ZFAND1: variants seen among roughly 807,000 people sequenced by gnomAD.
ZFAND1 encodes AN1-type zinc finger protein 1.
In ZFAND1, 40 loss-of-function variants were observed where a neutral mutation model predicts 38.5. The ratio of observed to expected loss-of-function variants is 1.04; its 90% CI spans 0.81 to 1.35. ZFAND1 has a LOEUF of 1.35. Among genes scored for constraint, ZFAND1 ranks in the 40% most tolerant of loss-of-function variants. The pLI is 0.00. For missense variants in ZFAND1, 346 were observed against 316.3 expected, an observed-to-expected ratio of 1.09 and a Z score of -0.71; for synonymous variants, 117 against 103.6, an observed-to-expected ratio of 1.13 and a Z score of -0.78.
At chr8:81,718,360 C>G (rs1003662766) in intron 1 of ZFAND1, 136 bp from the exon 2 acceptor site, 5 of 505,938 alleles carry the variant, frequency 9.9e-6, no homozygotes, top group African/African-American at 9.9e-5. Context: ...TGTAACCACT[C>G]TAACAAAATT....
chr8:81,721,191 G>C (rs757511620), intron 1 of ZFAND1, 36 bp downstream of exon 1: 3 of 1,545,042 alleles, frequency 1.9e-6, no homozygotes, highest in South Asian at 2.4e-5. Flanking sequence ...CTGGTCTCCC[G>C]CGGCCGGGGA....
At position 81,717,250 on chromosome 8, in the gene ZFAND1, TC is replaced by T; in HGVS notation, c.136del (p.Glu46ArgfsTer2). 1 of 1,544,510 alleles carries T rather than the reference TC, an allele frequency of 6.5e-7. No individual in the cohort carries two copies. Among genetic ancestry groups the T allele is most frequent in the East Asian group, 2.5e-5 (1 of 39,764 alleles). On this transcript the variant is annotated frameshift_variant and splice_region_variant, in exon 3 of 8. Transcript: ENST00000220669. LOFTEE classifies it high-confidence loss of function. ...HRSRESHGCP[E>X]VTVINERLKT... Reference sequence around the variant, plus strand: ...CAGATTGGAAAAATACTAACATACCTCAGGACAACCATGAGACTCCCTGCTT... The same window carrying T: ...CAGATTGGAAAAATACTAACATACCTAGGACAACCATGAGACTCCCTGCTT...
intron 6 of ZFAND1, among the ~76,000 whole-genome samples, chr8:81,710,361 A>G (rs1808106417): frequency 6.6e-6 from 1 of 152,254 alleles, no homozygotes; most frequent in Non-Finnish European, 1.5e-5. Flanking sequence ...ATCAAACAAA[A>G]TTTCAAAAAA....
intron 6 of ZFAND1, among the ~76,000 whole-genome samples, chr8:81,711,961 A>AT (rs1287809927): frequency 6.6e-6 from 1 of 152,180 alleles, no homozygotes; most frequent in African/African-American, 2.4e-5. Context: ...TACTCAACTA[A>AT]TTTTTAAGCA....
chr8:81,702,878 A>G lies in ZFAND1; in HGVS notation c.637-13T>C, dbSNP rs763711212. The G allele has an allele frequency of 4.4e-6, 7 of 1,576,852 alleles. No homozygotes were observed. In the Admixed American group the frequency reaches 1.3e-4, roughly 30 times the overall value. ...ACAGCCTTAATTTCTGTGAAGGGAGAAGTAAGTCATACTGTAATAAATAAA... is the reference window on the plus strand; with the variant it reads ...ACAGCCTTAATTTCTGTGAAGGGAGGAGTAAGTCATACTGTAATAAATAAA... On this transcript the variant is annotated splice_polypyrimidine_tract_variant and intron_variant, in intron 7 of 7. Coordinates refer to ENST00000220669, the MANE Select transcript of ZFAND1 (RefSeq NM_024699.3).
Position 81,701,890 on chromosome 8 carries a change from A to AT in ZFAND1, c.*804_*805insA, listed in dbSNP as rs1807824228. The AT allele has an allele frequency of 6.6e-6, 1 of 152,332 alleles. No individual in the cohort carries two copies. The highest frequency in any genetic ancestry group is 1.9e-4 in the East Asian group (1 of 5,186). The allele number at this position is 152,332 out of a possible 1,614,324, so 9.4% of individuals were successfully genotyped here. A position where few individuals can be genotyped will look rare whatever the true frequency, so the allele number is the denominator to read the frequency against. ...AAACACTAGTCAAGAATACTCGTCT[A>AT]AATATGTTGGTAAAATGTAGTCATC... On this transcript the variant is annotated 3_prime_UTR_variant, in exon 8 of 8. Transcript: ENST00000220669.
chr8:81,709,170 G>T (rs190744877), intron 6 of ZFAND1, among the ~76,000 whole-genome samples: 1 of 152,204 alleles, frequency 6.6e-6, no homozygotes, highest in Non-Finnish European at 1.5e-5. Flanking sequence ...CCACAGAAGA[G>T]AATGCAGTTT....
At chr8:81,709,326 A>G (rs1808068943) in intron 6 of ZFAND1, among the ~76,000 whole-genome samples, 1 of 152,178 alleles carries the variant, frequency 6.6e-6, no homozygotes, top group Admixed American at 6.5e-5. Flanking sequence ...TATATTTAAT[A>G]TCTATCTCAG....
chr8:81,719,641 A>G (rs1329366108), intron 1 of ZFAND1, among the ~76,000 whole-genome samples: 1 of 152,174 alleles, frequency 6.6e-6, no homozygotes, highest in Non-Finnish European at 1.5e-5. Flanking sequence ...TTAAGTCAAG[A>G]CAACTTCCCA....
chr8:81,701,544 TG>T lies in ZFAND1; in HGVS notation c.*1150del. ...ACCCACAATATTTCCAAGGTATACCTGTATGTATACATATCATCATTGTATT... is the reference window on the plus strand; with the variant it reads ...ACCCACAATATTTCCAAGGTATACCTTATGTATACATATCATCATTGTATT... On this transcript the variant is annotated 3_prime_UTR_variant, in exon 8 of 8. Transcript: ENST00000220669. 1 of 152,334 alleles carries T rather than the reference TG, an allele frequency of 6.6e-6. No homozygotes were observed. Among genetic ancestry groups the T allele is most frequent in the Middle Eastern group, 3.4e-3 (1 of 294 alleles). 9.4% of individuals were successfully genotyped at this position (152,334 alleles called of 1,614,324 possible).
At chr8:81,719,310 A>AACACACACACACACACACACACACACAC (rs71268018) in intron 1 of ZFAND1, among the ~76,000 whole-genome samples, 1 of 124,858 alleles carries the variant, frequency 8.0e-6, no homozygotes, top group Admixed American at 8.5e-5. Flanking sequence ...CTCTACTGAA[A>AACACACACACACACACACACACACACAC]ACACACACAC....
chr8:81,708,409 G>A (rs1034511456), intron 6 of ZFAND1, among the ~76,000 whole-genome samples: 6 of 152,056 alleles, frequency 3.9e-5, no homozygotes, highest in African/African-American at 1.4e-4. Context: ...TCAATACACT[G>A]ATAGATTTGA....
intron 6 of ZFAND1, among the ~76,000 whole-genome samples, chr8:81,703,927 A>T (rs1052911399): frequency 6.6e-6 from 1 of 152,172 alleles, no homozygotes; most frequent in Non-Finnish European, 1.5e-5. Context: ...CTAAGACCAG[A>T]TCAATTCATT....
At chr8:81,718,968 C>A (rs184290345) in intron 1 of ZFAND1, among the ~76,000 whole-genome samples, 2 of 151,716 alleles carry the variant, frequency 1.3e-5, no homozygotes, top group Non-Finnish European at 2.9e-5. Flanking sequence ...TATAAAGATA[C>A]AAGCACATCC....
intron 1 of ZFAND1, among the ~76,000 whole-genome samples, chr8:81,719,356 A>ACATAC (rs1563611539): frequency 1.8e-5 from 1 of 55,082 alleles, no homozygotes; most frequent in Admixed American, 1.8e-4. Context: ...CACACACACA[A>ACATAC]ATTAGCTGGG....
At chr8:81,704,399 A>G (rs1807910064) in intron 6 of ZFAND1, among the ~76,000 whole-genome samples, 1 of 151,994 alleles carries the variant, frequency 6.6e-6, no homozygotes, top group South Asian at 2.1e-4. Flanking sequence ...TTAGCTGGGT[A>G]TAGTGGTGTG....
At chr8:81,717,535 T>G (rs1293103487) in intron 2 of ZFAND1, among the ~76,000 whole-genome samples, 4 of 152,178 alleles carry the variant, frequency 2.6e-5, no homozygotes, top group Non-Finnish European at 5.9e-5. Flanking sequence ...TACGTTTACG[T>G]TGCATGAAAA....
chr8:81,721,023 C>A (rs1433910335), intron 1 of ZFAND1: 2 of 586,928 alleles, frequency 3.4e-6, no homozygotes, highest in Non-Finnish European at 6.1e-6. Context: ...TCCAAGGAGA[C>A]CACACGTCAT....
intron 3 of ZFAND1, among the ~76,000 whole-genome samples, chr8:81,716,301 C>G (rs1808309687): frequency 6.6e-6 from 1 of 152,210 alleles, no homozygotes; most frequent in South Asian, 2.1e-4. Flanking sequence ...AAAGCCTAAC[C>G]TGGTCCAGTA....
Sources: allele counts gnomAD v4.1 joint callset (sites outside exome capture counted in the v4.1 genomes callset), GRCh38; gene constraint gnomAD v4.1.1; transcripts MANE v1.5; gene names NCBI Gene and HGNC (gene_info 2026-07-23, HGNC 2026-07-21).